The following PRKAR1A variants were observed in gnomAD, a reference collection of about 807,000 sequenced individuals.
PRKAR1A encodes protein kinase cAMP-dependent type I regulatory subunit alpha, also known as cAMP-dependent protein kinase type I-alpha regulatory subunit.
PRKAR1A carries 3 observed loss-of-function variants against 52.0 expected under a neutral mutation model. That is an observed-to-expected ratio of 0.06 (90% confidence interval 0.03 to 0.15). The LOEUF is 0.15. Among genes scored for constraint, PRKAR1A ranks in the 10% least tolerant of loss-of-function variants. PRKAR1A has a pLI of 1.00. For missense variants in PRKAR1A, 240 were observed against 477.4 expected, an observed-to-expected ratio of 0.50 and a Z score of 4.63; for synonymous variants, 188 against 168.4, an observed-to-expected ratio of 1.12 and a Z score of -0.90.
At chr17:68,550,792 G>C (rs1374011210) in intron 11 of PRKAR1A, among the ~76,000 whole-genome samples, 1 of 152,220 alleles carries the variant, frequency 6.6e-6, no homozygotes, top group African/African-American at 2.4e-5. Context: ...TCAGGCATAA[G>C]GATTTTTAAA....
the PRKAR1A span, among the ~76,000 whole-genome samples, chr17:68,484,207 G>T: frequency 1.3e-5 from 2 of 152,162 alleles, no homozygotes; most frequent in African/African-American, 4.8e-5. Flanking sequence ...GACTGTTTTG[G>T]CACACAAACA....
At position 68,531,424 on chromosome 17, in the gene PRKAR1A, A is replaced by G. The variant is rs1013432176; in HGVS notation, c.*975A>G. On this transcript the variant is annotated 3_prime_UTR_variant, in exon 11 of 11. Transcript: ENST00000589228. ...CTGTGACTAGATACAGATGGAGCAA[A>G]TGTCCTAACAGAGAAATAGAGGTGA... The G allele has an allele frequency of 8.4e-6, 9 of 1,065,892 alleles. No homozygotes were observed. In the African/African-American group the frequency reaches 1.5e-4, roughly 17 times the overall value. 66.0% of individuals were successfully genotyped at this position (1,065,892 alleles called of 1,614,324 possible). A position where few individuals can be genotyped will look rare whatever the true frequency, so the allele number is the denominator to read the frequency against.
At chr17:68,500,270 G>A in the PRKAR1A span, among the ~76,000 whole-genome samples, 1 of 152,168 alleles carries the variant, frequency 6.6e-6, no homozygotes, top group Non-Finnish European at 1.5e-5. Context: ...GGGACCAGGT[G>A]GGAGATAATT....
chr17:68,439,297 A>G, the PRKAR1A span, among the ~76,000 whole-genome samples: 2 of 152,374 alleles, frequency 1.3e-5, no homozygotes, highest in South Asian at 4.1e-4. Flanking sequence ...ATTATCCAGC[A>G]AGAAAAATAA....
At chr17:68,442,834 C>A in the PRKAR1A span, among the ~76,000 whole-genome samples, 17 of 151,962 alleles carry the variant, frequency 1.1e-4, no homozygotes, top group Non-Finnish European at 1.8e-4. Flanking sequence ...CAGACCACCT[C>A]AGACAGACTG....
chr17:68,493,134 G>T, the PRKAR1A span, among the ~76,000 whole-genome samples: 1 of 151,918 alleles, frequency 6.6e-6, no homozygotes, highest in Admixed American at 6.6e-5. Flanking sequence ...CCTGTCAGAG[G>T]GGTGGGGGTT....
At chr17:68,471,925 C>T in the PRKAR1A span, among the ~76,000 whole-genome samples, 4 of 152,074 alleles carry the variant, frequency 2.6e-5, no homozygotes, top group Admixed American at 6.5e-5. Context: ...CTCAGCCTCC[C>T]GAGTAGCTGG....
chr17:68,453,490 T>A, the PRKAR1A span, among the ~76,000 whole-genome samples: 1 of 150,854 alleles, frequency 6.6e-6, no homozygotes, highest in Admixed American at 6.6e-5. Context: ...TTTTTTTTTT[T>A]TTTTTTGAGA....
At chr17:68,426,012 A>T in the PRKAR1A span, 2 of 1,314,052 alleles carry the variant, frequency 1.5e-6, no homozygotes, top group African/African-American at 1.4e-5. Context: ...CTCTCGTATG[A>T]GGCGAAGGTT....
At chr17:68,542,609 T>G (rs1600528124) in intron 11 of PRKAR1A, 1 of 997,470 alleles carries the variant, frequency 1.0e-6, no homozygotes, top group Non-Finnish European at 1.6e-6. Context: ...AGCAGCAGGG[T>G]GTCAGGCCAC....
chr17:68,528,641 TTAACC>T (rs1413118721), intron 8 of PRKAR1A: 11 of 574,016 alleles, frequency 1.9e-5, no homozygotes, highest in Non-Finnish European at 3.4e-5. Flanking sequence ...TTGGTATAAA[TTAACC>T]TAGCCACTGG....
the PRKAR1A span, among the ~76,000 whole-genome samples, chr17:68,430,673 T>C: frequency 2.6e-5 from 4 of 152,176 alleles, no homozygotes; most frequent in Non-Finnish European, 5.9e-5. Flanking sequence ...CCAGCATGTG[T>C]AATGATGGAG....
At chr17:68,463,569 T>C in the PRKAR1A span, among the ~76,000 whole-genome samples, 1 of 152,152 alleles carries the variant, frequency 6.6e-6, no homozygotes, top group Non-Finnish European at 1.5e-5. Context: ...TAGATGGTGA[T>C]AAGTGCTAAG....
downstream of PRKAR1A, among the ~76,000 whole-genome samples, chr17:68,534,104 G>A (rs2086045250): frequency 6.6e-6 from 1 of 152,164 alleles, no homozygotes; most frequent in Non-Finnish European, 1.5e-5. Context: ...CCTATGCTAT[G>A]TGATTTTTAC....
the PRKAR1A span, chr17:68,424,341 C>T: frequency 2.1e-6 from 1 of 483,112 alleles, no homozygotes; most frequent in Admixed American, 2.3e-5. Context: ...AGCCCCAGCC[C>T]TGCATGCAGG....
the PRKAR1A span, among the ~76,000 whole-genome samples, chr17:68,500,574 C>T: frequency 4.0e-5 from 6 of 150,116 alleles, no homozygotes; most frequent in African/African-American, 1.5e-4. Context: ...AGTGCAATGG[C>T]GCGATTTTGG....
the PRKAR1A span, among the ~76,000 whole-genome samples, chr17:68,444,885 C>T: frequency 6.6e-6 from 1 of 150,596 alleles, no homozygotes; most frequent in African/African-American, 2.4e-5. Context: ...CTTCCTTCTC[C>T]TTCTTTCCTT....
the PRKAR1A span, chr17:68,421,679 G>C: frequency 6.4e-7 from 1 of 1,565,266 alleles, no homozygotes; most frequent in East Asian, 2.2e-5. Context: ...CCCCCTTTCT[G>C]CTCACACAAT....
At chr17:68,546,382 G>A (rs1255824768) in intron 11 of PRKAR1A, among the ~76,000 whole-genome samples, 1 of 151,894 alleles carries the variant, frequency 6.6e-6, no homozygotes, top group Non-Finnish European at 1.5e-5. Context: ...TCCTGTTAAT[G>A]TTGATATTTT....
Sources: gnomAD v4.1 joint callset for allele counts (sites outside exome capture counted in the v4.1 genomes callset) on GRCh38, gnomAD v4.1.1 for gene constraint, MANE v1.5 for transcripts, NCBI Gene and HGNC (gene_info 2026-07-23, HGNC 2026-07-21) for gene names.